MINPP1: variants seen among roughly 807,000 people sequenced by gnomAD.
MINPP1 encodes the protein multiple inositol polyphosphate phosphatase 1.
Under a neutral mutation model 46.1 loss-of-function variants are expected in MINPP1, and 28 were observed. The ratio of observed to expected loss-of-function variants is 0.61; its 90% CI spans 0.45 to 0.83. The LOEUF is 0.83. Among genes scored for constraint, MINPP1 ranks in the 40% least tolerant of loss-of-function variants. The probability of loss-of-function intolerance (pLI) is 0.00; values close to 1 mark genes in which losing one functional copy is unlikely to be tolerated. For synonymous variants in MINPP1, 268 were observed against 249.1 expected (o/e 1.08, Z -0.72); for missense variants, 603 against 610.0 (o/e 0.99, Z 0.12).
intron 4 of MINPP1, among the ~76,000 whole-genome samples, chr10:87,528,467 C>G (rs1589378313): frequency 6.6e-6 from 1 of 152,264 alleles, no homozygotes; most frequent in Non-Finnish European, 1.5e-5. Flanking sequence ...TCGTTATGTA[C>G]CCAGTAGTCA....
chr10:87,543,442 C>T (rs951711136), intron 4 of MINPP1, among the ~76,000 whole-genome samples: 3 of 152,020 alleles, frequency 2.0e-5, no homozygotes, highest in Non-Finnish European at 4.4e-5. Context: ...ATCACTTGGG[C>T]CCAGGAGTTC....
rs747476248 is a variant in MINPP1, at chr10:87,524,597, C to T, written c.1067+3428C>T. Among the ~76,000 whole-genome samples, 3 of 152,336 alleles carry T rather than the reference C, an allele frequency of 2.0e-5. No homozygotes were observed. In the South Asian group the frequency reaches 6.2e-4, roughly 32 times the overall value. On this transcript the variant is annotated intron_variant, in intron 4 of 4. Transcript: ENST00000371996. ...CCTGTTTCAGCTTAGGACATGCCTT[C>T]CTCACTAAGCTTAATCATATCTAGC...
intron 3 of MINPP1, among the ~76,000 whole-genome samples, chr10:87,519,259 T>C (rs1851459720): frequency 6.6e-6 from 1 of 152,144 alleles, no homozygotes; most frequent in African/African-American, 2.4e-5. Flanking sequence ...ATATATACAA[T>C]CATTAATAAT....
At chr10:87,525,866 G>C (rs1304044488) in intron 4 of MINPP1, among the ~76,000 whole-genome samples, 1 of 152,180 alleles carries the variant, frequency 6.6e-6, no homozygotes, top group East Asian at 1.9e-4. Context: ...TCATCCATGT[G>C]CCTACAAAGG....
intron 1 of MINPP1, 167 bp from the exon 2 acceptor site, chr10:87,508,168 TG>T (rs1851281004): frequency 1.3e-6 from 2 of 1,542,982 alleles, no homozygotes; most frequent in Admixed American, 2.0e-5. Flanking sequence ...CCATTATAAA[TG>T]GGGAATAATT....
In MINPP1 at chr10:87,511,893, C is replaced by T. The variant is rs1463512838; in HGVS notation, c.836-1231C>T. On this transcript the variant is annotated intron_variant, in intron 2 of 4. Coordinates refer to ENST00000371996, the MANE Select transcript of MINPP1 (RefSeq NM_004897.5). ...TTGAGATTATAAAACCTTTTCTTTA[C>T]GTAAGCAAAGTTTTGAATGGCTTTT... is the stretch of plus-strand genomic sequence containing the variant. 9.2e-5 allele frequency among the ~76,000 whole-genome samples: 14 copies of T among 152,240 alleles called. No homozygotes were observed. The East Asian group carries it at 2.7e-3, about 29-fold the overall frequency.
chr10:87,544,769 A>G (rs1055633212), intron 4 of MINPP1, among the ~76,000 whole-genome samples: 3 of 152,228 alleles, frequency 2.0e-5, no homozygotes, highest in African/African-American at 7.2e-5. Context: ...GAATAGTAAT[A>G]CTTTACAAAG....
chr10:87,544,360 C>G (rs1342932089), intron 4 of MINPP1, among the ~76,000 whole-genome samples: 1 of 152,238 alleles, frequency 6.6e-6, no homozygotes, highest in African/African-American at 2.4e-5. Context: ...TTTCAGCTGT[C>G]CATAAGCTCT....
chr10:87,552,578 A>T lies in MINPP1; in HGVS notation c.*100A>T. 1 of 1,180,058 alleles carries T rather than the reference A, an allele frequency of 8.5e-7. No individual in the cohort carries two copies. Among genetic ancestry groups the T allele is most frequent in the Non-Finnish European group, 1.2e-6 (1 of 811,154 alleles). 73.1% of individuals were successfully genotyped at this position (1,180,058 alleles called of 1,614,324 possible). Reference sequence around the variant, plus strand: ...CTTGATTACAGGAAGCTTTTATATTACTTGAGTATTTCTGTCTTTTCACAG... The same window carrying T: ...CTTGATTACAGGAAGCTTTTATATTTCTTGAGTATTTCTGTCTTTTCACAG... On this transcript the variant is annotated 3_prime_UTR_variant, in exon 5 of 5. Coordinates refer to ENST00000371996, the MANE Select transcript of MINPP1 (RefSeq NM_004897.5).
chr10:87,507,435 G>A (rs1351744324), intron 1 of MINPP1, among the ~76,000 whole-genome samples: 1 of 152,150 alleles, frequency 6.6e-6, no homozygotes, highest in East Asian at 1.9e-4. Flanking sequence ...CTTAAGAATT[G>A]CAATCCAGTT....
chr10:87,528,310 A>G (rs1851607792), intron 4 of MINPP1, among the ~76,000 whole-genome samples: 1 of 152,124 alleles, frequency 6.6e-6, no homozygotes, highest in Admixed American at 6.5e-5. Flanking sequence ...TAGGGTGTCA[A>G]TTTTAGATCT....
rs1369695174 is a variant in MINPP1, at chr10:87,553,362, A to G, written c.*884A>G. Reference sequence around the variant, plus strand: ...GTCAAATGCCGTGAAAGTATTTGCTATAATAAAGAAAATTCTTGTGACTTT... The same window carrying G: ...GTCAAATGCCGTGAAAGTATTTGCTGTAATAAAGAAAATTCTTGTGACTTT... On this transcript the variant is annotated 3_prime_UTR_variant, in exon 5 of 5. Coordinates refer to ENST00000371996, the MANE Select transcript of MINPP1 (RefSeq NM_004897.5). 1 of 152,124 alleles carries G rather than the reference A, an allele frequency of 6.6e-6. No individual in the cohort carries two copies. Among genetic ancestry groups the G allele is most frequent in the African/African-American group, 2.4e-5 (1 of 41,430 alleles). The allele number at this position is 152,124 out of a possible 1,614,324, so 9.4% of individuals were successfully genotyped here. A position where few individuals can be genotyped will look rare whatever the true frequency, so the allele number is the denominator to read the frequency against.
chr10:87,531,148 T>C (rs1851654249), intron 4 of MINPP1, among the ~76,000 whole-genome samples: 1 of 152,154 alleles, frequency 6.6e-6, no homozygotes, highest in Admixed American at 6.5e-5. Context: ...CCCGTGCGCT[T>C]CCCGGGTGAG....
intron 4 of MINPP1, among the ~76,000 whole-genome samples, chr10:87,542,165 C>G (rs752349858): frequency 5.3e-5 from 8 of 152,132 alleles, no homozygotes; most frequent in Non-Finnish European, 1.2e-4. Context: ...TATTTACTCC[C>G]AAGATACAGT....
intron 2 of MINPP1, among the ~76,000 whole-genome samples, chr10:87,511,071 G>A (rs537075386): frequency 7.2e-4 from 110 of 152,132 alleles, no homozygotes; most frequent in Admixed American, 1.4e-3. Flanking sequence ...GTAGCCATTT[G>A]CATTTCTTCT....
chr10:87,536,713 G>A (rs1851740858), intron 4 of MINPP1, among the ~76,000 whole-genome samples: 1 of 152,100 alleles, frequency 6.6e-6, no homozygotes, highest in Non-Finnish European at 1.5e-5. Context: ...ATTCATCTGT[G>A]TTGCTGATGA....
In MINPP1 at chr10:87,542,906, G is replaced by A. The variant is rs564338814; in HGVS notation, c.1068-9176G>A. 6.6e-5 allele frequency among the ~76,000 whole-genome samples: 10 copies of A among 152,322 alleles called. No homozygotes were observed. The South Asian group carries it at 2.1e-3, about 32-fold the overall frequency. On this transcript the variant is annotated intron_variant, in intron 4 of 4. Coordinates refer to ENST00000371996, the MANE Select transcript of MINPP1 (RefSeq NM_004897.5). Reference sequence around the variant, plus strand: ...GAAGTAGCTTTGGAACTGGGTAAAAGGCAAAGGCTGGAAGAGTTTGGAGGG... The same window carrying A: ...GAAGTAGCTTTGGAACTGGGTAAAAAGCAAAGGCTGGAAGAGTTTGGAGGG...
intron 4 of MINPP1, among the ~76,000 whole-genome samples, chr10:87,536,583 G>GT (rs1242162514): frequency 1.3e-5 from 2 of 151,998 alleles, no homozygotes; most frequent in Non-Finnish European, 2.9e-5. Context: ...CCATTTTCAG[G>GT]TAACACTGAT....
At position 87,517,671 on chromosome 10, in the gene MINPP1, C is replaced by T. The variant is rs556014085; in HGVS notation, c.934-3365C>T. ...AGTAGACATTGTTTTTAGTTTGGGGCTATTATGAACCTTGTTGCTATGAAC... is the reference window on the plus strand; with the variant it reads ...AGTAGACATTGTTTTTAGTTTGGGGTTATTATGAACCTTGTTGCTATGAAC... On this transcript the variant is annotated intron_variant, in intron 3 of 4. Transcript: ENST00000371996. Among the ~76,000 whole-genome samples, 19 of 151,974 alleles carry T rather than the reference C, an allele frequency of 1.3e-4. No homozygotes were observed. The East Asian group carries it at 2.5e-3, about 20-fold the overall frequency.
Sources: allele counts gnomAD v4.1 joint callset (sites outside exome capture counted in the v4.1 genomes callset), GRCh38; gene constraint gnomAD v4.1.1; transcripts MANE v1.5; gene names NCBI Gene and HGNC (gene_info 2026-07-23, HGNC 2026-07-21).